The following MED4 variants were observed in gnomAD, a reference collection of about 807,000 sequenced individuals.
The protein encoded by MED4 is mediator of RNA polymerase II transcription subunit 4.
Under a neutral mutation model 35.0 loss-of-function variants are expected in MED4, and 21 were observed. The observed-to-expected ratio is 0.60, with a 90% CI of 0.43 to 0.86. The LOEUF (loss-of-function observed/expected upper bound fraction) is 0.86, where lower values mean the gene tolerates loss of function less well. MED4 is among the 40% of genes least tolerant of loss of function. MED4 has a pLI of 0.00. For synonymous variants in MED4, 138 were observed against 114.0 expected (o/e 1.21, Z -1.34); for missense variants, 300 against 319.4 (o/e 0.94, Z 0.46).
intron 1 of MED4, chr13:48,093,459 C>T: frequency 3.1e-6 from 1 of 319,754 alleles, no homozygotes; most frequent in Non-Finnish European, 6.7e-6. Flanking sequence ...CGTGATTTTT[C>T]TTCTCATTTT....
intron 3 of MED4, among the ~76,000 whole-genome samples, chr13:48,084,037 G>C (rs981670134): frequency 6.6e-6 from 1 of 152,100 alleles, no homozygotes; most frequent in Non-Finnish European, 1.5e-5. Flanking sequence ...GAGGCAGGCA[G>C]ATCATTTGAG....
At position 48,076,335 on chromosome 13, in the gene MED4, G is replaced by A. The variant is rs1300403566; in HGVS notation, c.*804C>T. Reference sequence around the variant, plus strand: ...TGTAAGAAGAGGAAGGTGAAGGGAAGAAATGGTTGCTTTCCATTCTAAATC... The same window carrying A: ...TGTAAGAAGAGGAAGGTGAAGGGAAAAAATGGTTGCTTTCCATTCTAAATC... On this transcript the variant is annotated 3_prime_UTR_variant, in exon 7 of 7. Transcript: ENST00000258648. 6.6e-6 allele frequency: 1 copy of A among 152,106 alleles called. No homozygotes were observed. The highest frequency in any genetic ancestry group is 2.4e-5 in the African/African-American group (1 of 41,430). The allele number at this position is 152,106 out of a possible 1,614,324, so 9.4% of individuals were successfully genotyped here. A position where few individuals can be genotyped will look rare whatever the true frequency, so the allele number is the denominator to read the frequency against.
intron 4 of MED4, among the ~76,000 whole-genome samples, 182 bp downstream of exon 4, chr13:48,083,189 T>A (rs2137832356): frequency 6.6e-6 from 1 of 152,362 alleles, no homozygotes; most frequent in East Asian, 1.9e-4. Flanking sequence ...TGAAAAAAGA[T>A]GTGATACTTC....
chr13:48,089,887 G>A (rs1046438534), intron 2 of MED4, among the ~76,000 whole-genome samples: 8 of 152,152 alleles, frequency 5.3e-5, no homozygotes, highest in Admixed American at 3.9e-4. Context: ...AATAAAAACT[G>A]CCCGTACTTT....
chr13:48,093,263 G>C (rs571150528), intron 1 of MED4, among the ~76,000 whole-genome samples: 1 of 151,848 alleles, frequency 6.6e-6, no homozygotes, highest in East Asian at 1.9e-4. Context: ...TTACAAATGG[G>C]TTAAAAAAAA....
At chr13:48,083,585 A>T (rs1405738525) in intron 3 of MED4, among the ~76,000 whole-genome samples, 157 bp from the exon 4 acceptor site, 1 of 152,234 alleles carries the variant, frequency 6.6e-6, no homozygotes, top group East Asian at 1.9e-4. Flanking sequence ...ACCACTTGAC[A>T]TTATTTATTT....
chr13:48,080,440 C>T (rs983453213), intron 5 of MED4, among the ~76,000 whole-genome samples: 22 of 147,860 alleles, frequency 1.5e-4, no homozygotes, highest in Middle Eastern at 3.5e-3. Context: ...ATATAAAAGT[C>T]ACCTTATAAA....
Position 48,081,641 on chromosome 13 carries a change from T to C in MED4, c.508+4A>G, listed in dbSNP as rs1353671627. 1.1e-5 allele frequency: 18 copies of C among 1,604,568 alleles called. No individual in the cohort carries two copies. Among genetic ancestry groups the C allele is most frequent in the Non-Finnish European group, 1.4e-5 (16 of 1,174,558 alleles). On this transcript the variant is annotated splice_donor_region_variant and intron_variant, in intron 5 of 6. Coordinates refer to ENST00000258648, the MANE Select transcript of MED4 (RefSeq NM_014166.4). ...ATCTAGTATAATAAGACGAGTATGT[T>C]TACCTGGAACCCAGGTCAGTGGAGC...
At chr13:48,083,865 C>T (rs1041240273) in intron 3 of MED4, among the ~76,000 whole-genome samples, 13 of 152,236 alleles carry the variant, frequency 8.5e-5, no homozygotes, top group African/African-American at 2.9e-4. Flanking sequence ...TGTTTAATGA[C>T]TTTATCACAA....
At chr13:48,090,451 C>T in intron 1 of MED4, 33 bp from the exon 2 acceptor site, 1 of 1,530,752 alleles carries the variant, frequency 6.5e-7, no homozygotes, top group Non-Finnish European at 8.9e-7. Flanking sequence ...AACAAAAACC[C>T]TTTCACAGCA....
chr13:48,093,739 C>G lies in MED4; in HGVS notation c.125+1215G>C, dbSNP rs1276760543. On this transcript the variant is annotated intron_variant, in intron 1 of 6. Coordinates refer to ENST00000258648, the MANE Select transcript of MED4 (RefSeq NM_014166.4). ...ATCAAACACATAAGCCATTTAATTTCTGCTGTCTAGGTGTTTTCGGGTTTT... is the reference window on the plus strand; with the variant it reads ...ATCAAACACATAAGCCATTTAATTTGTGCTGTCTAGGTGTTTTCGGGTTTT... 1.2e-5 allele frequency: 3 copies of G among 250,648 alleles called. No homozygotes were observed. The Admixed American group carries it at 1.5e-4, about 13-fold the overall frequency. The allele number at this position is 250,648 out of a possible 1,614,324, so 15.5% of individuals were successfully genotyped here.
chr13:48,092,900 C>CG (rs1950900186), intron 1 of MED4, among the ~76,000 whole-genome samples: 1 of 152,102 alleles, frequency 6.6e-6, no homozygotes. Context: ...CCACAGAAGG[C>CG]TTTACAAGGC....
At chr13:48,090,616 CTA>C (rs1262921703) in intron 1 of MED4, among the ~76,000 whole-genome samples, 198 bp from the exon 2 acceptor site, 1 of 152,156 alleles carries the variant, frequency 6.6e-6, no homozygotes, top group African/African-American at 2.4e-5. Flanking sequence ...CAATGAAAGA[CTA>C]TTGTGAATAG....
intron 1 of MED4, chr13:48,093,809 T>C (rs1422206610): frequency 6.1e-5 from 11 of 181,486 alleles, no homozygotes. Context: ...TTGGTAGCAA[T>C]ACGATGGCAA....
chr13:48,083,334 A>G, intron 4 of MED4, 37 bp downstream of exon 4: 1 of 1,546,890 alleles, frequency 6.5e-7, no homozygotes, highest in Admixed American at 1.8e-5. Flanking sequence ...CCAGAACCTT[A>G]ACTTTTCAGG....
At chr13:48,086,059 G>A (rs746835215) in intron 3 of MED4, among the ~76,000 whole-genome samples, 25 of 151,708 alleles carry the variant, frequency 1.6e-4, no homozygotes, top group Non-Finnish European at 2.8e-4. Flanking sequence ...TTTAAGCATC[G>A]AAAATGTGGC....
At chr13:48,094,821 C>G in intron 1 of MED4, 133 bp downstream of exon 1, 11 of 1,311,912 alleles carry the variant, frequency 8.4e-6, no homozygotes, top group Non-Finnish European at 1.1e-5. Context: ...CGTCCATGAC[C>G]CTCATGCACC....
chr13:48,089,927 T>C (rs1176058381), intron 2 of MED4, among the ~76,000 whole-genome samples: 2 of 152,098 alleles, frequency 1.3e-5, no homozygotes. Flanking sequence ...CTAATAAGAG[T>C]TGTATGCTCT....
Position 48,095,073 on chromosome 13 carries a change from A to G in MED4, c.6T>C (p.Ala2=). Residue 2 remains alanine (A), a synonymous_variant, in exon 1 of 7, where the codon GCT becomes GCC. Transcript: ENST00000258648. ...TCTCCTTCTCACCACTCGAAGACGC[A>G]GCCATTTTCCCCAGAGTCCCGCCAC... is the stretch of plus-strand genomic sequence containing the variant. M[A]ASSSGEKEKE... 2 of 1,603,596 alleles carry G rather than the reference A, an allele frequency of 1.2e-6. No homozygotes were observed. Among genetic ancestry groups the G allele is most frequent in the Non-Finnish European group, 1.7e-6 (2 of 1,179,864 alleles).
Sources: gnomAD v4.1 joint callset for allele counts (sites outside exome capture counted in the v4.1 genomes callset) on GRCh38, gnomAD v4.1.1 for gene constraint, MANE v1.5 for transcripts, NCBI Gene and HGNC (gene_info 2026-07-23, HGNC 2026-07-21) for gene names.